Variants in C16orf74 observed in about 807,000 individuals in gnomAD.
C16orf74 encodes calcimembrin.
C16orf74 carries 10 observed loss-of-function variants against 6.5 expected under a neutral mutation model. The ratio of observed to expected loss-of-function variants is 1.54; its 90% CI spans 0.95 to 2.61. The LOEUF (loss-of-function observed/expected upper bound fraction) is 2.61, where lower values mean the gene tolerates loss of function less well. Ranked by LOEUF, C16orf74 falls within the 30% of genes most tolerant of loss-of-function variation. The pLI, the probability that C16orf74 is intolerant of heterozygous loss-of-function variation, is 0.00. For synonymous variants in C16orf74, 60 were observed against 42.5 expected, an observed-to-expected ratio of 1.41 and a Z score of -1.60; for missense variants, 141 against 105.9, an observed-to-expected ratio of 1.33 and a Z score of -1.45.
intron 2 of C16orf74, among the ~76,000 whole-genome samples, chr16:85,717,233 AC>A (rs1197011666): frequency 6.6e-6 from 1 of 152,082 alleles, no homozygotes; most frequent in Non-Finnish European, 1.5e-5. Context: ...AGGCTTTGAG[AC>A]CCGGCTCTGG....
intron 2 of C16orf74, among the ~76,000 whole-genome samples, chr16:85,730,345 T>C (rs554568614): frequency 1.3e-5 from 2 of 152,234 alleles, no homozygotes; most frequent in South Asian, 4.1e-4. Context: ...CTTCCTCTCC[T>C]TGGTCCTCAA....
chr16:85,727,746 G>A (rs1198594099), intron 2 of C16orf74, among the ~76,000 whole-genome samples: 1 of 151,600 alleles, frequency 6.6e-6, no homozygotes, highest in Admixed American at 6.6e-5. Flanking sequence ...CCCAGGAGGT[G>A]GAGGTTGCAG....
At chr16:85,750,321 G>C (rs865841539) in intron 1 of C16orf74, among the ~76,000 whole-genome samples, 3 of 151,886 alleles carry the variant, frequency 2.0e-5, no homozygotes, top group African/African-American at 4.8e-5. Context: ...GCCTATCCCT[G>C]GGGGGAGCTG....
At chr16:85,732,341 G>C (rs1324965264) in intron 2 of C16orf74, among the ~76,000 whole-genome samples, 1 of 152,184 alleles carries the variant, frequency 6.6e-6, no homozygotes, top group Non-Finnish European at 1.5e-5. Flanking sequence ...ATGTTACAGA[G>C]TTCCTGGCTA....
chr16:85,725,259 A>T lies in C16orf74; in HGVS notation c.28+9931T>A, dbSNP rs115795554. 1.9e-3 allele frequency among the ~76,000 whole-genome samples: 284 copies of T among 151,916 alleles called. 1 individual carries two copies. Among genetic ancestry groups the T allele is most frequent in the African/African-American group, 6.2e-3 (255 of 41,428 alleles). On this transcript the variant is annotated intron_variant, in intron 2 of 3. Coordinates refer to ENST00000284245, the MANE Select transcript of C16orf74 (RefSeq NM_206967.3). ...AGGAGCTCCTGCCTCCTGGGCAGAG[A>T]TCTGTTCAGAAGGTTCCAGAAAGAG...
chr16:85,749,911 C>T lies in C16orf74; in HGVS notation c.-19+1015G>A, dbSNP rs1036313014. ...ATTAAGTGTTTCCATAAATACACGG[C>T]CTCCTCCCATCCACAGGACCGGGTC... On this transcript the variant is annotated intron_variant, in intron 1 of 3. Coordinates refer to ENST00000284245, the MANE Select transcript of C16orf74 (RefSeq NM_206967.3). 3.9e-5 allele frequency among the ~76,000 whole-genome samples: 6 copies of T among 152,340 alleles called. No homozygotes were observed. In the East Asian group the frequency reaches 1.2e-3, roughly 29 times the overall value.
intron 3 of C16orf74, among the ~76,000 whole-genome samples, chr16:85,708,342 G>A (rs1294896508): frequency 2.6e-5 from 4 of 152,182 alleles, no homozygotes; most frequent in Non-Finnish European, 5.9e-5. Context: ...TGCCCCCACT[G>A]GTCCTGGGAG....
At chr16:85,729,375 A>G (rs776079315) in intron 2 of C16orf74, among the ~76,000 whole-genome samples, 29 of 152,082 alleles carry the variant, frequency 1.9e-4, no homozygotes, top group Non-Finnish European at 3.2e-4. Context: ...GAGCAGAGGG[A>G]CTCTGCAGCC....
rs146364174 is a variant in C16orf74, at chr16:85,715,123, C to G, written c.29-4816G>C. 2.5e-3 allele frequency among the ~76,000 whole-genome samples: 371 copies of G among 149,422 alleles called. 2 individuals carry two copies. The highest frequency in any genetic ancestry group is 8.3e-3 in the African/African-American group (337 of 40,472). The stretch of plus-strand genomic sequence containing the variant: ...AGTGAGCCGAGATCACGCCACTGCA[C>G]TCCAGCCCGGGTGACAGAGCCAGAC... On this transcript the variant is annotated intron_variant, in intron 2 of 3. Coordinates refer to ENST00000284245, the MANE Select transcript of C16orf74 (RefSeq NM_206967.3).
chr16:85,717,958 G>A (rs923864742), intron 2 of C16orf74, among the ~76,000 whole-genome samples: 2 of 152,166 alleles, frequency 1.3e-5, no homozygotes, highest in African/African-American at 4.8e-5. Flanking sequence ...TGGGGTCAGG[G>A]CACCATTCCC....
chr16:85,720,510 G>A (rs917940772), intron 2 of C16orf74, among the ~76,000 whole-genome samples: 7 of 152,174 alleles, frequency 4.6e-5, no homozygotes, highest in African/African-American at 9.7e-5. Context: ...ACTCATGCCT[G>A]TAATTCCAGC....
chr16:85,714,071 A>T (rs1314872238), intron 2 of C16orf74, among the ~76,000 whole-genome samples: 3 of 152,160 alleles, frequency 2.0e-5, no homozygotes, highest in Non-Finnish European at 2.9e-5. Context: ...GTGGGTGGTC[A>T]TGTGTGCCCC....
intron 2 of C16orf74, among the ~76,000 whole-genome samples, chr16:85,721,344 T>A (rs1334744347): frequency 6.6e-6 from 1 of 152,096 alleles, no homozygotes; most frequent in African/African-American, 2.4e-5. Context: ...GTCCTGTGTG[T>A]CAGGCAATGT....
chr16:85,711,416 A>G (rs2053968454), intron 2 of C16orf74, among the ~76,000 whole-genome samples: 1 of 150,336 alleles, frequency 6.7e-6, no homozygotes, highest in Admixed American at 6.7e-5. Context: ...GGAGTTGGAG[A>G]CCAGCCTGAC....
chr16:85,707,990 CA>C lies in C16orf74; in HGVS notation c.*17del. 6.4e-7 allele frequency: 1 copy of C among 1,551,180 alleles called. No homozygotes were observed. The highest frequency in any genetic ancestry group is 1.4e-5 in the African/African-American group (1 of 73,198). ...GCCGCTGGAGCAGGAGCCAGCCAGCCAAACCCAGGACACCTCCTCAGGCTTC... is the reference window on the plus strand; with the variant it reads ...GCCGCTGGAGCAGGAGCCAGCCAGCCAACCCAGGACACCTCCTCAGGCTTC... On this transcript the variant is annotated 3_prime_UTR_variant, in exon 4 of 4. Coordinates refer to ENST00000284245, the MANE Select transcript of C16orf74 (RefSeq NM_206967.3).
chr16:85,708,676 G>A (rs1444651695), intron 3 of C16orf74, among the ~76,000 whole-genome samples: 2 of 152,218 alleles, frequency 1.3e-5, no homozygotes, highest in African/African-American at 4.8e-5. Flanking sequence ...AGGTCACAGA[G>A]GAATGCGCCC....
intron 1 of C16orf74, among the ~76,000 whole-genome samples, chr16:85,736,484 TGGA>T (rs2054246077): frequency 6.6e-6 from 1 of 151,820 alleles, no homozygotes; most frequent in Admixed American, 6.6e-5. Context: ...AGGAAGGGTT[TGGA>T]GGAGAAGGAG....
chr16:85,728,481 C>T (rs1310822954), intron 2 of C16orf74, among the ~76,000 whole-genome samples: 1 of 152,168 alleles, frequency 6.6e-6, no homozygotes, highest in African/African-American at 2.4e-5. Flanking sequence ...GAGCCTGTAT[C>T]CATGGTGACA....
At chr16:85,726,711 A>T (rs2054136877) in intron 2 of C16orf74, among the ~76,000 whole-genome samples, 1 of 152,162 alleles carries the variant, frequency 6.6e-6, no homozygotes, top group Admixed American at 6.5e-5. Context: ...TATTAGTGGA[A>T]TGAACGTTTT....
Sources: gnomAD v4.1 joint callset for allele counts (sites outside exome capture counted in the v4.1 genomes callset) on GRCh38, gnomAD v4.1.1 for gene constraint, MANE v1.5 for transcripts, NCBI Gene and HGNC (gene_info 2026-07-23, HGNC 2026-07-21) for gene names.